Variants in FBXO11 observed in about 807,000 individuals in gnomAD.
The protein encoded by FBXO11 is F-box only protein 11.
In FBXO11, 13 loss-of-function variants were observed where a neutral mutation model predicts 117.0. That is an observed-to-expected ratio of 0.11 (90% CI 0.07 to 0.18). The LOEUF is 0.18. FBXO11 is among the 10% of genes least tolerant of loss of function. FBXO11 has a pLI of 1.00. For missense variants in FBXO11, 767 were observed against 1,164.4 expected (o/e 0.66, Z 4.97); for synonymous variants, 490 against 380.5 (o/e 1.29, Z -3.35).
chr2:47,830,936 C>A (rs969809124), intron 11 of FBXO11, among the ~76,000 whole-genome samples: 1 of 152,064 alleles, frequency 6.6e-6, no homozygotes, highest in Non-Finnish European at 1.5e-5. Flanking sequence ...GTAGCTGGGA[C>A]TACAGGTGTG....
At chr2:47,905,211 A>C in intron 1 of FBXO11, 6 of 214,578 alleles carry the variant, frequency 2.8e-5, no homozygotes, top group Non-Finnish European at 5.5e-5. Flanking sequence ...CGGAGAAGCC[A>C]AAGGGATGGG....
intron 1 of FBXO11, among the ~76,000 whole-genome samples, chr2:47,892,852 T>G (rs1012011332): frequency 2.0e-5 from 3 of 152,148 alleles, no homozygotes; most frequent in Admixed American, 6.5e-5. Flanking sequence ...TTTTCTTATC[T>G]AGGCGTTTTT....
At chr2:47,822,805 A>G (rs76951621) in intron 12 of FBXO11, among the ~76,000 whole-genome samples, 8,534 of 152,282 alleles carry the variant, frequency 0.056, 256 homozygotes, top group Non-Finnish European at 0.069. Flanking sequence ...CTTCAGAAAA[A>G]AGAAGACAAA....
chr2:47,892,627 G>T (rs1677340725), intron 1 of FBXO11, among the ~76,000 whole-genome samples: 1 of 152,172 alleles, frequency 6.6e-6, no homozygotes, highest in Non-Finnish European at 1.5e-5. Flanking sequence ...TGCTATGTGG[G>T]ATTAAACATG....
chr2:47,905,161 C>A (rs566646165), intron 1 of FBXO11: 2 of 191,696 alleles, frequency 1.0e-5, no homozygotes, highest in East Asian at 2.9e-4. Flanking sequence ...CTCGCCTTCC[C>A]CCCGGCCACC....
At chr2:47,889,380 A>G (rs1677098318) in intron 1 of FBXO11, among the ~76,000 whole-genome samples, 1 of 152,178 alleles carries the variant, frequency 6.6e-6, no homozygotes, top group African/African-American at 2.4e-5. Flanking sequence ...AAAAACAAAA[A>G]GCAACAAAAT....
At chr2:47,808,308 T>A (rs1177912290) in intron 22 of FBXO11, 21 bp downstream of exon 22, 1 of 1,612,506 alleles carries the variant, frequency 6.2e-7, no homozygotes, top group Non-Finnish European at 8.5e-7. Flanking sequence ...GGGTAATATA[T>A]CAAGCAAGTG....
chr2:47,812,757 TCAATG>T (rs1670714992), intron 18 of FBXO11: 1 of 197,986 alleles, frequency 5.1e-6, no homozygotes, highest in South Asian at 8.8e-5. Context: ...AACTTTTGCC[TCAATG>T]CAAAGTGAGT....
At chr2:47,811,747 A>C (rs891408942) in intron 18 of FBXO11, 1 of 152,138 alleles carries the variant, frequency 6.6e-6, no homozygotes, top group African/African-American at 2.4e-5. Flanking sequence ...TTCAACCCCC[A>C]TATTAAATCA....
intron 1 of FBXO11, among the ~76,000 whole-genome samples, chr2:47,901,532 T>C (rs1440498730): frequency 1.3e-5 from 2 of 152,172 alleles, no homozygotes; most frequent in African/African-American, 2.4e-5. Context: ...TGGAGGCTGA[T>C]GTACGAAGGG....
intron 1 of FBXO11, among the ~76,000 whole-genome samples, chr2:47,840,132 A>G (rs1194181863): frequency 6.6e-6 from 1 of 151,898 alleles, no homozygotes; most frequent in Non-Finnish European, 1.5e-5. Context: ...TTTAGTAAAG[A>G]TGGGGTTTCA....
rs1000128385 is a variant in FBXO11, at chr2:47,904,927, C to CG, written c.232+561dup. ...GCTCCCCCTACCCCGTGACCAGGGACGGGGGGGCGGGGGAAACAAGTTCCC... is the reference window on the plus strand; with the variant it reads ...GCTCCCCCTACCCCGTGACCAGGGACGGGGGGGGCGGGGGAAACAAGTTCCC... On this transcript the variant is annotated intron_variant, in intron 1 of 22. Transcript: ENST00000403359. Among the ~76,000 whole-genome samples the CG allele has an allele frequency of 9.4e-5, 14 of 149,624 alleles. 1 individual carries two copies. The highest frequency in any genetic ancestry group is 4.4e-4 in the South Asian group (2 of 4,550).
intron 1 of FBXO11, 35 bp from the exon 2 acceptor site, chr2:47,839,804 C>G (rs764675416): frequency 3.2e-6 from 5 of 1,577,168 alleles, no homozygotes; most frequent in Non-Finnish European, 4.3e-6. Context: ...AAAATTATAC[C>G]CTTTTTAAAA....
At chr2:47,813,921 T>G (rs1670813820) in intron 16 of FBXO11, 54 bp from the exon 17 acceptor site, 1 of 1,304,786 alleles carries the variant, frequency 7.7e-7, no homozygotes, top group African/African-American at 1.5e-5. Flanking sequence ...TCCCATATCT[T>G]CATGTTACGT....
intron 1 of FBXO11, among the ~76,000 whole-genome samples, chr2:47,868,144 A>G (rs1572874761): frequency 1.3e-5 from 2 of 152,166 alleles, no homozygotes. Flanking sequence ...GATGGTCCGA[A>G]ATGTATAAAG....
chr2:47,833,417 T>C (rs1014073646), intron 7 of FBXO11, among the ~76,000 whole-genome samples: 3 of 152,320 alleles, frequency 2.0e-5, no homozygotes, highest in South Asian at 4.1e-4. Flanking sequence ...TCTATTTAAA[T>C]TTATTTCCAA....
intron 11 of FBXO11, among the ~76,000 whole-genome samples, chr2:47,830,335 C>T (rs764157177): frequency 2.0e-5 from 3 of 151,844 alleles, no homozygotes; most frequent in Non-Finnish European, 4.4e-5. Context: ...TAGGGATTCT[C>T]GCATGGCAAG....
At position 47,845,266 on chromosome 2, in the gene FBXO11, T is replaced by C. The variant is rs983856371; in HGVS notation, c.233-5497A>G. Among the ~76,000 whole-genome samples the C allele has an allele frequency of 1.3e-5, 2 of 151,904 alleles. 1 individual carries two copies. The highest frequency in any genetic ancestry group is 4.1e-4 in the South Asian group (2 of 4,828). On this transcript the variant is annotated intron_variant, in intron 1 of 22. Coordinates refer to ENST00000403359, the MANE Select transcript of FBXO11 (RefSeq NM_001190274.2). ...GAAGGTGCTAATTAATTCATTTGCA[T>C]CCTAAAATGTACAGCAAATAAATTC... is the stretch of plus-strand genomic sequence containing the variant.
intron 1 of FBXO11, among the ~76,000 whole-genome samples, chr2:47,884,797 A>G (rs952673121): frequency 3.3e-5 from 5 of 152,146 alleles, no homozygotes; most frequent in African/African-American, 1.2e-4. Context: ...CTGTTTAATC[A>G]GAAAAACACG....
Sources: gnomAD v4.1 joint callset for allele counts (sites outside exome capture counted in the v4.1 genomes callset) on GRCh38, gnomAD v4.1.1 for gene constraint, MANE v1.5 for transcripts, NCBI Gene and HGNC (gene_info 2026-07-23, HGNC 2026-07-21) for gene names.